ZFAND5: variants seen among roughly 807,000 people sequenced by gnomAD.
The protein encoded by ZFAND5 is zinc finger AN1-type containing 5, also known as AN1-type zinc finger protein 5.
In ZFAND5, 4 loss-of-function variants were observed where a neutral mutation model predicts 23.6. The ratio of observed to expected loss-of-function variants is 0.17; its 90% CI spans 0.08 to 0.39. The LOEUF (loss-of-function observed/expected upper bound fraction) is 0.39, where lower values mean the gene tolerates loss of function less well. Among genes scored for constraint, ZFAND5 ranks in the 10% least tolerant of loss-of-function variants. The pLI, the probability that ZFAND5 is intolerant of heterozygous loss-of-function variation, is 1.00. For missense variants in ZFAND5, 161 were observed against 253.7 expected (o/e 0.63, Z 2.48); for synonymous variants, 68 against 80.6 (o/e 0.84, Z 0.84).
intron 6 of ZFAND5, 140 bp from the exon 7 acceptor site, chr9:72,356,241 G>A: frequency 9.5e-7 from 1 of 1,055,280 alleles, no homozygotes; most frequent in South Asian, 1.8e-5. Context: ...TCCACTTCCT[G>A]GTGATAAGAC....
rs1564301683 is a variant in ZFAND5 at position 72,356,119 on chromosome 9, TAG to T, written c.494-20_494-19del. 3.8e-6 allele frequency: 6 copies of T among 1,593,734 alleles called. No individual in the cohort carries two copies. The highest frequency in any genetic ancestry group is 1.2e-5 in the South Asian group (1 of 86,220). The stretch of plus-strand genomic sequence containing the variant: ...GTCAAACCCTGTACAAACGAAGAAG[TAG>T]AGTCATTTGAGAACTTGAGGCAATT... On this transcript the variant is annotated intron_variant, in intron 6 of 6. Transcript: ENST00000376962.
rs544990083 is a variant in ZFAND5 at position 72,354,973 on chromosome 9, T to C, written c.*980A>G. On this transcript the variant is annotated 3_prime_UTR_variant, in exon 7 of 7. Transcript: ENST00000376962. ...TGCTGGATACCACTAAGAAGTCTAC[T>C]GCAGCCATGTTGGTTATGATTTTCC... 4 of 152,782 alleles carry C rather than the reference T, an allele frequency of 2.6e-5. No individual in the cohort carries two copies. The highest frequency in any genetic ancestry group is 5.9e-5 in the Non-Finnish European group (4 of 68,042). The allele number at this position is 152,782 out of a possible 1,614,324, so 9.5% of individuals were successfully genotyped here. A position where few individuals can be genotyped will look rare whatever the true frequency, so the allele number is the denominator to read the frequency against.
In ZFAND5 at chr9:72,355,895, G is replaced by A. The variant is rs1841929479; in HGVS notation, c.*58C>T. 1.3e-6 allele frequency: 2 copies of A among 1,526,814 alleles called. No homozygotes were observed. The highest frequency in any genetic ancestry group is 8.8e-7 in the Non-Finnish European group (1 of 1,131,082). 94.6% of individuals were successfully genotyped at this position (1,526,814 alleles called of 1,614,324 possible). A position where few individuals can be genotyped will look rare whatever the true frequency, so the allele number is the denominator to read the frequency against. On this transcript the variant is annotated 3_prime_UTR_variant, in exon 7 of 7. Coordinates refer to ENST00000376962, the MANE Select transcript of ZFAND5 (RefSeq NM_001102420.3). ...AATGGCCATGCATCTGCTCTTTAAT[G>A]TTTTCCTACGATATATTAAAATAAA...
intron 1 of ZFAND5, chr9:72,364,316 G>T: frequency 1.1e-6 from 1 of 931,100 alleles, no homozygotes; most frequent in Admixed American, 5.3e-5. Context: ...GAGAGCTAGG[G>T]GGGGCTGCAA....
chr9:72,364,677 G>C lies in ZFAND5; in HGVS notation c.-147+19C>G, dbSNP rs2224603. ...GCAACAAGGAGCCCGGCTCCCACCC[G>C]CAGCCCCGTATCACTCACCCTGCAG... On this transcript the variant is annotated intron_variant, in intron 1 of 6. Coordinates refer to ENST00000376962, the MANE Select transcript of ZFAND5 (RefSeq NM_001102420.3). 1,089,840 of 1,094,002 alleles carry C rather than the reference G, an allele frequency of 1. 542,959 individuals are homozygous for C. The highest frequency in any genetic ancestry group is 1 in the Non-Finnish European group (874,337 of 874,390). The allele number at this position is 1,094,002 out of a possible 1,614,324, so 67.8% of individuals were successfully genotyped here. A position where few individuals can be genotyped will look rare whatever the true frequency, so the allele number is the denominator to read the frequency against.
chr9:72,356,800 T>C, intron 6 of ZFAND5, 131 bp downstream of exon 6: 2 of 1,180,520 alleles, frequency 1.7e-6, no homozygotes, highest in Non-Finnish European at 1.1e-6. Flanking sequence ...TCCTCCACCT[T>C]TCCTAGACTA....
Position 72,360,240 on chromosome 9 carries a change from T to C in ZFAND5, c.152-19A>G. 5 of 1,597,000 alleles carry C rather than the reference T, an allele frequency of 3.1e-6. No individual in the cohort carries two copies. Among genetic ancestry groups the C allele is most frequent in the Non-Finnish European group, 4.3e-6 (5 of 1,169,638 alleles). ...GCTGTTCCTATTTAAAAAAAGGATT[T>C]GTAAGGAACCAATGAACACTACAAA... On this transcript the variant is annotated intron_variant, in intron 3 of 6. Coordinates refer to ENST00000376962, the MANE Select transcript of ZFAND5 (RefSeq NM_001102420.3).
intron 5 of ZFAND5, 47 bp from the exon 6 acceptor site, chr9:72,357,103 ATT>A: frequency 1.9e-6 from 3 of 1,587,150 alleles, no homozygotes; most frequent in South Asian, 1.1e-5. Context: ...ACTGGCTAAC[ATT>A]TTTAAGTCAA....
chr9:72,354,639 G>A lies in ZFAND5; in HGVS notation c.*1314C>T, dbSNP rs1428010756. 2 of 152,496 alleles carry A rather than the reference G, an allele frequency of 1.3e-5. No homozygotes were observed. The highest frequency in any genetic ancestry group is 4.8e-5 in the African/African-American group (2 of 41,404). 9.4% of individuals were successfully genotyped at this position (152,496 alleles called of 1,614,324 possible). The stretch of plus-strand genomic sequence containing the variant: ...GCTTTAAGAATAAAAGTAAAAACTA[G>A]GACTGAACATTGCAATAAATCAGAA... On this transcript the variant is annotated 3_prime_UTR_variant, in exon 7 of 7. Coordinates refer to ENST00000376962, the MANE Select transcript of ZFAND5 (RefSeq NM_001102420.3).
At chr9:72,356,210 A>G in intron 6 of ZFAND5, 109 bp from the exon 7 acceptor site, 1 of 1,328,272 alleles carries the variant, frequency 7.5e-7, no homozygotes, top group Non-Finnish European at 1.0e-6. Flanking sequence ...TTGTAACATA[A>G]AAGACAGTGA....
At chr9:72,364,418 A>G (rs1024514209) in intron 1 of ZFAND5, 41 of 1,250,732 alleles carry the variant, frequency 3.3e-5, no homozygotes, top group Non-Finnish European at 4.2e-5. Context: ...AGCGGCCTAG[A>G]GGCCGGCCCC....
chr9:72,351,590 C>CTTTACAT lies in ZFAND5; in HGVS notation c.*4362_*4363insATGTAAA, dbSNP rs3045644. On this transcript the variant is annotated 3_prime_UTR_variant, in exon 7 of 7. Transcript: ENST00000376962. ...AATGGCACTTTTGTATTCTGTTGTA[C>CTTTACAT]TTTTTTTTTTTTTTTTACATTTGCT... 7.1e-6 allele frequency: 1 copy of CTTTACAT among 140,298 alleles called. No homozygotes were observed. Among genetic ancestry groups the CTTTACAT allele is most frequent in the East Asian group, 2.0e-4 (1 of 4,884 alleles). 8.7% of individuals were successfully genotyped at this position (140,298 alleles called of 1,614,324 possible).
At chr9:72,356,168 C>A (rs757268444) in intron 6 of ZFAND5, 67 bp from the exon 7 acceptor site, 94 of 1,563,382 alleles carry the variant, frequency 6.0e-5, no homozygotes, top group Non-Finnish European at 7.8e-5. Context: ...AAGCCTTAGT[C>A]ACTATAGAAA....
At chr9:72,359,981 A>C (rs1285658886) in intron 4 of ZFAND5, 129 bp downstream of exon 4, 2 of 683,810 alleles carry the variant, frequency 2.9e-6, no homozygotes, top group Non-Finnish European at 4.9e-6. Flanking sequence ...CTTAAGAGTC[A>C]TGTATTAAAA....
chr9:72,354,166 AAAC>A lies in ZFAND5; in HGVS notation c.*1784_*1786del, dbSNP rs1382011544. On this transcript the variant is annotated 3_prime_UTR_variant, in exon 7 of 7. Coordinates refer to ENST00000376962, the MANE Select transcript of ZFAND5 (RefSeq NM_001102420.3). ...TACTTTCTTCTTCAGAATTGTCATA[AAAC>A]ATCATCTTTTACAACATGGAGAAGC... 6.6e-6 allele frequency: 1 copy of A among 152,208 alleles called. No homozygotes were observed. Among genetic ancestry groups the A allele is most frequent in the Admixed American group, 6.5e-5 (1 of 15,280 alleles). The allele number at this position is 152,208 out of a possible 1,614,324, so 9.4% of individuals were successfully genotyped here. A position where few individuals can be genotyped will look rare whatever the true frequency, so the allele number is the denominator to read the frequency against.
At chr9:72,357,949 A>G (rs1049050853) in intron 5 of ZFAND5, among the ~76,000 whole-genome samples, 4 of 152,186 alleles carry the variant, frequency 2.6e-5, no homozygotes, top group African/African-American at 7.2e-5. Context: ...AACAAAATTT[A>G]TATCTACTTA....
At chr9:72,364,232 G>GCCTGCAGGC (rs1842191816) in intron 1 of ZFAND5, 1 of 334,932 alleles carries the variant, frequency 3.0e-6, no homozygotes, top group Non-Finnish European at 5.2e-6. Context: ...AGCAGGCCCG[G>GCCTGCAGGC]CCAGCCCTTC....
Position 72,353,470 on chromosome 9 carries a change from G to A in ZFAND5, c.*2483C>T, listed in dbSNP as rs1841836829. ...GCGGGCAGCTCACCTGAGGTCAGGA[G>A]TTCAAGACCAGCCTGACCAACATGG... On this transcript the variant is annotated 3_prime_UTR_variant, in exon 7 of 7. Transcript: ENST00000376962. 1 of 152,246 alleles carries A rather than the reference G, an allele frequency of 6.6e-6. No homozygotes were observed. The highest frequency in any genetic ancestry group is 2.1e-4 in the South Asian group (1 of 4,828). The allele number at this position is 152,246 out of a possible 1,614,324, so 9.4% of individuals were successfully genotyped here.
rs372965317 is a variant in ZFAND5 at position 72,363,716 on chromosome 9, CAACT to C, written c.-146-114_-146-111del. ...AAAGATAAAATTGCAGTATTTTCAC[CAACT>C]GAGTTCTGAAAGCCTACTCTTTAAA... On this transcript the variant is annotated intron_variant, in intron 1 of 6. Transcript: ENST00000376962. 1,074 of 856,236 alleles carry C rather than the reference CAACT, an allele frequency of 1.3e-3. 8 individuals carry two copies. The African/African-American group carries it at 0.016, about 12-fold the overall frequency. 53.0% of individuals were successfully genotyped at this position (856,236 alleles called of 1,614,324 possible). A position where few individuals can be genotyped will look rare whatever the true frequency, so the allele number is the denominator to read the frequency against.
Sources: gnomAD v4.1 joint callset for allele counts (sites outside exome capture counted in the v4.1 genomes callset) on GRCh38, gnomAD v4.1.1 for gene constraint, MANE v1.5 for transcripts, NCBI Gene and HGNC (gene_info 2026-07-23, HGNC 2026-07-21) for gene names.